The following WDR76 variants were observed in gnomAD, a reference collection of about 807,000 sequenced individuals.
The protein encoded by WDR76 is WD repeat-containing protein 76.
Under a neutral mutation model 70.2 loss-of-function variants are expected in WDR76, and 52 were observed. The ratio of observed to expected loss-of-function variants is 0.74; its 90% CI spans 0.59 to 0.93. WDR76 has a LOEUF of 0.93. Among genes scored for constraint, WDR76 ranks in the 40% least tolerant of loss-of-function variants. WDR76 has a pLI of 0.00. For missense variants in WDR76, 756 were observed against 760.2 expected (o/e 0.99, Z 0.07); for synonymous variants, 292 against 271.1 (o/e 1.08, Z -0.76).
At position 43,846,294 on chromosome 15, in the gene WDR76, T is replaced by TC. The variant is rs547755947; in HGVS notation, c.1032+2243dup. On this transcript the variant is annotated intron_variant, in intron 8 of 12. Transcript: ENST00000263795. ...TTGGATAGAGACTTTTTTTTTTTTT[T>TC]CCCGCCCCTGAGATACGGTCCCACT... Among the ~76,000 whole-genome samples the TC allele has an allele frequency of 4.9e-3, 654 of 132,828 alleles. 42 individuals carry two copies. The highest frequency in any genetic ancestry group is 0.014 in the Middle Eastern group (4 of 278). The allele number at this position is 132,828 out of a possible 152,430, so 87.1% of individuals were successfully genotyped here. A position where few individuals can be genotyped will look rare whatever the true frequency, so the allele number is the denominator to read the frequency against.
At position 43,837,026 on chromosome 15, in the gene WDR76, G is replaced by A. The variant is rs2087664705; in HGVS notation, c.608+810G>A. 4.1e-5 allele frequency among the ~76,000 whole-genome samples: 6 copies of A among 147,522 alleles called. No homozygotes were observed. In the South Asian group the frequency reaches 1.1e-3, roughly 26 times the overall value. On this transcript the variant is annotated intron_variant, in intron 4 of 12. Transcript: ENST00000263795. ...TTGCACTCCAGCCTGGGCAATAAGA[G>A]TGAGACTCCATCTCACAAAAAAAAA...
At chr15:43,834,494 T>C (rs562735130) in intron 2 of WDR76, among the ~76,000 whole-genome samples, 40 of 151,398 alleles carry the variant, frequency 2.6e-4, no homozygotes, top group African/African-American at 9.0e-4. Context: ...GTATTTTTAG[T>C]TGAGACAGGA....
intron 12 of WDR76, among the ~76,000 whole-genome samples, chr15:43,862,979 A>G (rs1378323086): frequency 6.6e-6 from 1 of 152,104 alleles, no homozygotes; most frequent in African/African-American, 2.4e-5. Context: ...TCTGTTGTCC[A>G]GGCTGGAGTG....
chr15:43,842,492 G>C lies in WDR76; in HGVS notation c.810G>C (p.Leu270=). The change falls in exon 6 of 13, where the codon CTG becomes CTC. Residue 270 remains leucine (L), a synonymous_variant. Coordinates refer to ENST00000263795, the MANE Select transcript of WDR76 (RefSeq NM_024908.4). ...ACAATGAACGATTTAAAGGATTTCT[G>C]CACACATGGGCAGGAATGAGCAAGG... ...EDNNERFKGF[L]HTWAGMSKPS... The C allele has an allele frequency of 6.2e-7, 1 of 1,614,048 alleles. No homozygotes were observed. The highest frequency in any genetic ancestry group is 2.2e-5 in the East Asian group (1 of 44,858).
chr15:43,843,942 C>G lies in WDR76; in HGVS notation c.920C>G (p.Thr307Ser). ...AATGGCATGGTCATTAGTGAAGATA[C>G]CGTTTACAAAGTTACCACAGGCCCA... ...NLNGMVISED[T>S]VYKVTTGPIF... is the part of the protein sequence containing the mutation. The change falls in exon 8 of 13, where the codon ACC becomes AGC. Residue 307 changes from threonine (T) to serine (S), a missense_variant. Thr to Ser is a moderately conservative substitution (Grantham distance 58). Coordinates refer to ENST00000263795, the MANE Select transcript of WDR76 (RefSeq NM_024908.4). 1 of 1,608,752 alleles carries G rather than the reference C, an allele frequency of 6.2e-7. No homozygotes were observed. The highest frequency in any genetic ancestry group is 8.5e-7 in the Non-Finnish European group (1 of 1,177,234).
Position 43,866,587 on chromosome 15 carries a change from A to T in WDR76, c.*195A>T. ...GGAGGGTTGCTTCTGCAGGACGGGG[A>T]GGGAATTTGAGGGGAGGCTGAGGTG... On this transcript the variant is annotated 3_prime_UTR_variant, in exon 13 of 13. Transcript: ENST00000263795. 6 of 425,228 alleles carry T rather than the reference A, an allele frequency of 1.4e-5. No individual in the cohort carries two copies. Among genetic ancestry groups the T allele is most frequent in the African/African-American group, 4.5e-5 (2 of 44,676 alleles). The allele number at this position is 425,228 out of a possible 1,614,324, so 26.3% of individuals were successfully genotyped here. A position where few individuals can be genotyped will look rare whatever the true frequency, so the allele number is the denominator to read the frequency against.
chr15:43,841,430 A>G (rs938571400), intron 5 of WDR76, among the ~76,000 whole-genome samples: 3 of 151,860 alleles, frequency 2.0e-5, no homozygotes, highest in Non-Finnish European at 4.4e-5. Flanking sequence ...ATCTGACCTC[A>G]TGATCTGCCC....
At chr15:43,850,635 C>G (rs533926999) in intron 8 of WDR76, among the ~76,000 whole-genome samples, 36 of 152,222 alleles carry the variant, frequency 2.4e-4, no homozygotes, top group African/African-American at 8.2e-4. Context: ...TGTTTAAAAC[C>G]ATTATCTTTG....
chr15:43,843,607 C>T (rs186924962), intron 7 of WDR76, among the ~76,000 whole-genome samples: 1 of 152,132 alleles, frequency 6.6e-6, no homozygotes, highest in East Asian at 1.9e-4. Flanking sequence ...AATTGTTGCT[C>T]AAAGGTCTTT....
intron 9 of WDR76, among the ~76,000 whole-genome samples, chr15:43,854,786 TA>T (rs1339326927): frequency 6.6e-6 from 1 of 151,790 alleles, no homozygotes; most frequent in Non-Finnish European, 1.5e-5. Flanking sequence ...CCATCTCTAC[TA>T]AAAACACAAA....
intron 2 of WDR76, among the ~76,000 whole-genome samples, chr15:43,832,528 C>T (rs1249193151): frequency 6.6e-6 from 1 of 152,018 alleles, no homozygotes; most frequent in Non-Finnish European, 1.5e-5. Context: ...TCACTGCAAC[C>T]TCTGCCTTCT....
In WDR76 at chr15:43,832,594, C is replaced by T. The variant is rs2087603471; in HGVS notation, c.463-2467C>T. On this transcript the variant is annotated intron_variant, in intron 2 of 12. Transcript: ENST00000263795. Reference sequence around the variant, plus strand: ...CTGAGTAGCTAGGACTACAGGCATGCGCCACCATGCCTGGGTAATTTTTGT... The same window carrying T: ...CTGAGTAGCTAGGACTACAGGCATGTGCCACCATGCCTGGGTAATTTTTGT... Among the ~76,000 whole-genome samples the T allele has an allele frequency of 3.3e-5, 5 of 151,930 alleles. No homozygotes were observed. In the South Asian group the frequency reaches 8.3e-4, roughly 25 times the overall value.
rs1470880220 is a variant in WDR76, at chr15:43,868,363, A to C, written c.*1971A>C. 6.6e-6 allele frequency: 1 copy of C among 152,246 alleles called. No homozygotes were observed. The highest frequency in any genetic ancestry group is 1.5e-5 in the Non-Finnish European group (1 of 68,046). The allele number at this position is 152,246 out of a possible 1,614,324, so 9.4% of individuals were successfully genotyped here. On this transcript the variant is annotated 3_prime_UTR_variant, in exon 13 of 13. Coordinates refer to ENST00000263795, the MANE Select transcript of WDR76 (RefSeq NM_024908.4). Reference sequence around the variant, plus strand: ...ATTAGTACCATCATTTAAGCTTTGAATACTTGGCAGTAATTGCCTGGGCTC... The same window carrying C: ...ATTAGTACCATCATTTAAGCTTTGACTACTTGGCAGTAATTGCCTGGGCTC...
chr15:43,827,256 C>G (rs1414139113), intron 1 of WDR76, 164 bp downstream of exon 1: 2 of 756,266 alleles, frequency 2.6e-6, no homozygotes, highest in Non-Finnish European at 4.2e-6. Flanking sequence ...ATCAATAACC[C>G]GAGAAATAGT....
chr15:43,839,760 G>A, intron 5 of WDR76, 32 bp downstream of exon 5: 2 of 1,555,628 alleles, frequency 1.3e-6, no homozygotes, highest in South Asian at 1.2e-5. Context: ...ATATTTTAAT[G>A]TAATAAAATA....
intron 9 of WDR76, among the ~76,000 whole-genome samples, chr15:43,855,766 T>C (rs1416463192): frequency 6.6e-6 from 1 of 152,026 alleles, no homozygotes; most frequent in East Asian, 1.9e-4. Context: ...GGAGAATCAC[T>C]TGAAGCCAGG....
At position 43,827,078 on chromosome 15, in the gene WDR76, C is replaced by T. The variant is rs1364572508; in HGVS notation, c.46C>T (p.Arg16Ter). The T allele has an allele frequency of 2.5e-6, 4 of 1,613,694 alleles. No individual in the cohort carries two copies. Among genetic ancestry groups the T allele is most frequent in the African/African-American group, 2.7e-5 (2 of 74,746 alleles). ...AAAEKADSRQ[R>*]PQMKVNEYKE... Reference sequence around the variant, plus strand: ...GGCTGAGAAGGCGGACTCCAGACAGCGACCCCAGATGAAGGTGAGAAACGG... The same window carrying T: ...GGCTGAGAAGGCGGACTCCAGACAGTGACCCCAGATGAAGGTGAGAAACGG... The change falls in exon 1 of 13, where the codon CGA (arginine) becomes TGA (stop). Residue 16 changes from arginine (R) to a stop codon, truncating the protein, a stop_gained. Transcript: ENST00000263795. LOFTEE classifies it high-confidence loss of function.
At chr15:43,845,940 T>A (rs1210513212) in intron 8 of WDR76, among the ~76,000 whole-genome samples, 1 of 150,320 alleles carries the variant, frequency 6.7e-6, no homozygotes, top group African/African-American at 2.4e-5. Context: ...AGAAACCAAG[T>A]TCTTATTTTG....
At chr15:43,852,506 G>A (rs2087873516) in intron 9 of WDR76, among the ~76,000 whole-genome samples, 1 of 152,076 alleles carries the variant, frequency 6.6e-6, no homozygotes, top group Non-Finnish European at 1.5e-5. Flanking sequence ...TGAGTAGCTG[G>A]GACTACAGGC....
Sources: allele counts gnomAD v4.1 joint callset (sites outside exome capture counted in the v4.1 genomes callset), GRCh38; gene constraint gnomAD v4.1.1; transcripts MANE v1.5; gene names NCBI Gene and HGNC (gene_info 2026-07-23, HGNC 2026-07-21).